IL34: variants seen among roughly 807,000 people sequenced by gnomAD.
IL34 encodes interleukin 34.
In IL34, 17 loss-of-function variants were observed where a neutral mutation model predicts 25.3. The observed-to-expected ratio is 0.67, with a 90% CI of 0.46 to 1.01. IL34 has a LOEUF of 1.01. IL34 is among the 50% of genes least tolerant of loss of function. The probability of loss-of-function intolerance (pLI) is 0.00; values close to 1 mark genes in which losing one functional copy is unlikely to be tolerated. For missense variants in IL34, 368 were observed against 312.9 expected, an observed-to-expected ratio of 1.18 and a Z score of -1.33; for synonymous variants, 174 against 140.9, an observed-to-expected ratio of 1.23 and a Z score of -1.66.
intron 1 of IL34, among the ~76,000 whole-genome samples, chr16:70,647,785 C>T (rs887620917): frequency 2.0e-5 from 3 of 152,214 alleles, no homozygotes; most frequent in Admixed American, 6.5e-5. Flanking sequence ...TGGGTCCACC[C>T]TGGCCCTTGT....
chr16:70,636,225 GAC>G (rs1474843576), intron 1 of IL34, among the ~76,000 whole-genome samples: 1 of 151,802 alleles, frequency 6.6e-6, no homozygotes, highest in Non-Finnish European at 1.5e-5. Context: ...TCTTAGTAGA[GAC>G]AGAGTTTCTC....
chr16:70,639,462 G>A (rs1302356155), intron 1 of IL34, among the ~76,000 whole-genome samples: 4 of 152,180 alleles, frequency 2.6e-5, no homozygotes, highest in African/African-American at 7.2e-5. Flanking sequence ...ATCAGAAAGC[G>A]AGATGATGAA....
chr16:70,631,049 A>G (rs918495122), intron 1 of IL34, among the ~76,000 whole-genome samples: 14 of 152,194 alleles, frequency 9.2e-5, no homozygotes, highest in Admixed American at 1.3e-4. Flanking sequence ...CCTAAACTAC[A>G]TTTTCAATTT....
chr16:70,657,162 T>C lies in IL34; in HGVS notation c.402+41T>C, dbSNP rs754023755. The C allele has an allele frequency of 2.6e-5, 42 of 1,588,314 alleles. No individual in the cohort carries two copies. The East Asian group carries it at 4.9e-4, about 19-fold the overall frequency. On this transcript the variant is annotated intron_variant, in intron 4 of 5. Transcript: ENST00000288098. ...GAGTGGCAGGTGGGGTGTGTGTGTG[T>C]GCACACGTGTGTACATGTGTGTGAG...
upstream of IL34, chr16:70,646,408 C>G (rs1597774681): frequency 6.5e-6 from 1 of 153,742 alleles, no homozygotes; most frequent in African/African-American, 2.4e-5. Context: ...ATCCTGAAGT[C>G]ATTTCTCACG....
At position 70,660,225 on chromosome 16, in the gene IL34, C is replaced by T. The variant is rs752692287; in HGVS notation, c.*38C>T. 4.0e-6 allele frequency: 6 copies of T among 1,510,536 alleles called. No individual in the cohort carries two copies. The highest frequency in any genetic ancestry group is 5.3e-6 in the Non-Finnish European group (6 of 1,129,294). 93.6% of individuals were successfully genotyped at this position (1,510,536 alleles called of 1,614,324 possible). A position where few individuals can be genotyped will look rare whatever the true frequency, so the allele number is the denominator to read the frequency against. Reference sequence around the variant, plus strand: ...GTGACTGCGGATAGGGGCAGCCAGACCAGCTCCCACAGGAGTTCAACTGGG... The same window carrying T: ...GTGACTGCGGATAGGGGCAGCCAGATCAGCTCCCACAGGAGTTCAACTGGG... On this transcript the variant is annotated 3_prime_UTR_variant, in exon 6 of 6. Transcript: ENST00000288098.
chr16:70,656,679 G>T lies in IL34; in HGVS notation c.240G>T (p.Leu80=). 3 of 1,331,116 alleles carry T rather than the reference G, an allele frequency of 2.3e-6. No homozygotes were observed. Among genetic ancestry groups the T allele is most frequent in the Non-Finnish European group, 3.3e-6 (3 of 921,380 alleles). 82.5% of individuals were successfully genotyped at this position (1,331,116 alleles called of 1,614,324 possible). A position where few individuals can be genotyped will look rare whatever the true frequency, so the allele number is the denominator to read the frequency against. Reference sequence around the variant, plus strand: ...TCAGAATCGCCAACGTCACCAGGCTGGTGAGAATCCCTTCCTGGGCTGGGG... The same window carrying T: ...TCAGAATCGCCAACGTCACCAGGCTTGTGAGAATCCCTTCCTGGGCTGGGG... ...GVFRIANVTR[L]QRAQVSEREL... is the part of the protein sequence containing the mutation. Residue 80 remains leucine, a splice_region_variant and synonymous_variant, in exon 3 of 6, where the codon CTG becomes CTT. Transcript: ENST00000288098.
At chr16:70,610,025 G>A (rs2051067594) in intron 1 of IL34, among the ~76,000 whole-genome samples, 2 of 152,112 alleles carry the variant, frequency 1.3e-5, no homozygotes, top group African/African-American at 2.4e-5. Context: ...CCAACACGGC[G>A]AAACCGTCTC....
At chr16:70,582,030 C>T (rs74026082) in intron 1 of IL34, among the ~76,000 whole-genome samples, 13,690 of 152,262 alleles carry the variant, frequency 0.09, 1,452 homozygotes, top group African/African-American at 0.23. Flanking sequence ...ACAAGCACCC[C>T]TGGAGGCCCC....
chr16:70,635,376 T>C (rs1054872691), intron 1 of IL34, among the ~76,000 whole-genome samples: 1 of 152,356 alleles, frequency 6.6e-6, no homozygotes, highest in Admixed American at 6.5e-5. Flanking sequence ...CTGCTAGTTT[T>C]TGCTTTGTTT....
intron 1 of IL34, among the ~76,000 whole-genome samples, chr16:70,651,960 C>T (rs2052090813): frequency 6.6e-6 from 1 of 151,174 alleles, no homozygotes; most frequent in South Asian, 2.1e-4. Context: ...CCCGTCTGTA[C>T]TAAAAATACA....
chr16:70,612,728 T>C (rs1301285185), intron 1 of IL34, among the ~76,000 whole-genome samples: 1 of 126,550 alleles, frequency 7.9e-6, no homozygotes, highest in Non-Finnish European at 1.5e-5. Flanking sequence ...GAGGGATTCC[T>C]CAGCTTCCCC....
intron 1 of IL34, among the ~76,000 whole-genome samples, chr16:70,648,662 C>CT (rs1368814006): frequency 2.0e-5 from 3 of 149,524 alleles, no homozygotes; most frequent in Non-Finnish European, 3.0e-5. Flanking sequence ...CAAAGACTGG[C>CT]TGGGGGATGA....
intron 1 of IL34, among the ~76,000 whole-genome samples, chr16:70,613,513 G>A (rs546066790): frequency 4.6e-5 from 7 of 152,236 alleles, no homozygotes; most frequent in African/African-American, 9.6e-5. Context: ...TGGCTATTCC[G>A]GAACCTTGGT....
chr16:70,595,058 A>G (rs1418089003), intron 1 of IL34, among the ~76,000 whole-genome samples: 1 of 150,400 alleles, frequency 6.6e-6, no homozygotes, highest in South Asian at 2.1e-4. Context: ...GGGTTCAAGC[A>G]ATTCTCCTGC....
chr16:70,647,725 G>C (rs1440597152), intron 1 of IL34, among the ~76,000 whole-genome samples: 1 of 152,216 alleles, frequency 6.6e-6, no homozygotes, highest in Non-Finnish European at 1.5e-5. Flanking sequence ...GAGTGCTCAG[G>C]AACTGTTGGA....
chr16:70,583,313 A>C (rs1457966981), intron 1 of IL34, among the ~76,000 whole-genome samples: 1 of 151,858 alleles, frequency 6.6e-6, no homozygotes, highest in Non-Finnish European at 1.5e-5. Context: ...GGGCTTCTCC[A>C]TGTTGCCCAG....
At chr16:70,649,275 T>G (rs9933834) in intron 1 of IL34, among the ~76,000 whole-genome samples, 65,472 of 152,064 alleles carry the variant, frequency 0.43, 15,096 homozygotes, top group African/African-American at 0.6. Flanking sequence ...GCTCGGGGCC[T>G]TTTGCAGTCA....
At chr16:70,589,464 C>T (rs992967201) in intron 1 of IL34, among the ~76,000 whole-genome samples, 2 of 152,058 alleles carry the variant, frequency 1.3e-5, no homozygotes, top group Non-Finnish European at 2.9e-5. Flanking sequence ...TCATTTAGCT[C>T]CCACTTATAA....
Sources: gnomAD v4.1 joint callset for allele counts (sites outside exome capture counted in the v4.1 genomes callset) on GRCh38, gnomAD v4.1.1 for gene constraint, MANE v1.5 for transcripts, NCBI Gene and HGNC (gene_info 2026-07-23, HGNC 2026-07-21) for gene names.